Variants in CTNNA3 observed in about 807,000 individuals in gnomAD.
The protein encoded by CTNNA3 is catenin alpha-3.
A neutral mutation model predicts 95.7 loss-of-function variants in CTNNA3; 76 were observed. The ratio of observed to expected loss-of-function variants is 0.79; its 90% CI spans 0.66 to 0.96. The LOEUF (loss-of-function observed/expected upper bound fraction) is 0.96. Among genes scored for constraint, CTNNA3 ranks in the 40% least tolerant of loss-of-function variants. CTNNA3 has a pLI of 0.00. For missense variants in CTNNA3, 1,191 were observed against 1,089.8 expected (o/e 1.09, Z -1.31); for synonymous variants, 431 against 374.4 (o/e 1.15, Z -1.74).
chr10:66,904,735 G>T (rs1309401404), intron 7 of CTNNA3, among the ~76,000 whole-genome samples: 1 of 152,166 alleles, frequency 6.6e-6, no homozygotes, highest in African/African-American at 2.4e-5. Context: ...CTCAAAAGAA[G>T]ACATTTATGC....
intron 7 of CTNNA3, among the ~76,000 whole-genome samples, chr10:66,800,288 A>T (rs1454471785): frequency 6.6e-6 from 1 of 151,162 alleles, no homozygotes; most frequent in Non-Finnish European, 1.5e-5. Context: ...ACTCAAAAGA[A>T]CTCTTTTGAT....
intron 3 of CTNNA3, among the ~76,000 whole-genome samples, chr10:67,564,162 T>C (rs1419968075): frequency 2.0e-5 from 3 of 149,860 alleles, no homozygotes; most frequent in Non-Finnish European, 3.0e-5. Flanking sequence ...CAAAGGATCA[T>C]AAATCATGCT....
chr10:66,263,148 C>A (rs2091053926), intron 13 of CTNNA3, among the ~76,000 whole-genome samples: 1 of 151,880 alleles, frequency 6.6e-6, no homozygotes, highest in African/African-American at 2.4e-5. Flanking sequence ...GAGAGCTAGG[C>A]AAAAGCCATC....
intron 12 of CTNNA3, among the ~76,000 whole-genome samples, chr10:66,308,994 C>A (rs1434192792): frequency 2.0e-5 from 3 of 152,118 alleles, no homozygotes; most frequent in Admixed American, 6.6e-5. Flanking sequence ...GCTATTTCAG[C>A]CTTTGCATTT....
At chr10:66,928,188 C>T in intron 7 of CTNNA3, 1 of 1,614,080 alleles carries the variant, frequency 6.2e-7, no homozygotes, top group Non-Finnish European at 8.5e-7. Context: ...TCGCGGGCAG[C>T]GTGGCGCTTT....
At chr10:67,664,484 T>A (rs554851258) in intron 1 of CTNNA3, among the ~76,000 whole-genome samples, 43 of 152,318 alleles carry the variant, frequency 2.8e-4, no homozygotes, top group African/African-American at 1.0e-3. Context: ...TGTATGAAAC[T>A]CCACCATAAG....
At chr10:66,073,689 T>C (rs528544596) in intron 14 of CTNNA3, among the ~76,000 whole-genome samples, 67 of 152,228 alleles carry the variant, frequency 4.4e-4, no homozygotes, top group African/African-American at 1.2e-3. Context: ...TGCTGTCTTC[T>C]GGTCTTAATA....
chr10:66,425,798 T>C (rs949427759), intron 11 of CTNNA3, among the ~76,000 whole-genome samples: 1 of 152,008 alleles, frequency 6.6e-6, no homozygotes, highest in Admixed American at 6.6e-5. Context: ...TACTGCTCTA[T>C]AAACTTTCAC....
intron 4 of CTNNA3, among the ~76,000 whole-genome samples, chr10:67,537,312 G>C (rs1039275365): frequency 2.6e-5 from 4 of 152,048 alleles, no homozygotes; most frequent in Non-Finnish European, 4.4e-5. Context: ...CTGTTTCCTT[G>C]AGCAAGTTAC....
At chr10:67,292,879 G>A (rs1386543410) in intron 5 of CTNNA3, among the ~76,000 whole-genome samples, 1 of 152,058 alleles carries the variant, frequency 6.6e-6, no homozygotes, top group African/African-American at 2.4e-5. Flanking sequence ...CACAATTAAT[G>A]TTTTCTGGTA....
At chr10:67,569,556 A>T (rs950930534) in intron 3 of CTNNA3, among the ~76,000 whole-genome samples, 1 of 152,108 alleles carries the variant, frequency 6.6e-6, no homozygotes, top group African/African-American at 2.4e-5. Flanking sequence ...TGTGATTCTT[A>T]TATTAGCCAT....
chr10:66,422,723 G>A (rs2093206002), intron 11 of CTNNA3, among the ~76,000 whole-genome samples: 1 of 151,962 alleles, frequency 6.6e-6, no homozygotes, highest in South Asian at 2.1e-4. Context: ...CTGAACTGCT[G>A]TTGTATTTTG....
At chr10:67,480,742 T>A (rs1389623858) in intron 5 of CTNNA3, among the ~76,000 whole-genome samples, 2 of 152,204 alleles carry the variant, frequency 1.3e-5, no homozygotes, top group African/African-American at 4.8e-5. Flanking sequence ...TGTTTGAGGC[T>A]CTCAGCTCTG....
chr10:67,615,657 C>CTTTTT (rs746378840), intron 2 of CTNNA3, among the ~76,000 whole-genome samples: 11 of 102,140 alleles, frequency 1.1e-4, no homozygotes, highest in African/African-American at 2.4e-4. Flanking sequence ...GGCAGGTATT[C>CTTTTT]TTTTTTTTTT....
chr10:66,535,033 C>T (rs990023072), intron 10 of CTNNA3, among the ~76,000 whole-genome samples: 23 of 152,014 alleles, frequency 1.5e-4, no homozygotes, highest in African/African-American at 5.6e-4. Context: ...TCCTTAATTG[C>T]TGATGCATAT....
intron 5 of CTNNA3, among the ~76,000 whole-genome samples, chr10:67,384,802 A>C (rs1844084272): frequency 6.6e-6 from 1 of 152,242 alleles, no homozygotes; most frequent in Admixed American, 6.5e-5. Context: ...GCTGCTACAT[A>C]TAGAAGATTG....
intron 7 of CTNNA3, among the ~76,000 whole-genome samples, chr10:66,786,658 AC>A (rs1370678120): frequency 6.6e-6 from 1 of 152,230 alleles, no homozygotes; most frequent in East Asian, 1.9e-4. Flanking sequence ...GAGACAAGAA[AC>A]AAAAATATAA....
At chr10:66,840,901 T>C (rs1843045573) in intron 7 of CTNNA3, among the ~76,000 whole-genome samples, 2 of 152,192 alleles carry the variant, frequency 1.3e-5, no homozygotes, top group African/African-American at 4.8e-5. Context: ...TAAATCAATT[T>C]CTTCCTCATC....
intron 15 of CTNNA3, among the ~76,000 whole-genome samples, chr10:66,021,736 C>T (rs923695888): frequency 1.3e-5 from 2 of 149,814 alleles, no homozygotes; most frequent in African/African-American, 4.9e-5. Context: ...CAAACTGAGA[C>T]AGAAAAACAA....
Sources: gnomAD v4.1 joint callset for allele counts (sites outside exome capture counted in the v4.1 genomes callset) on GRCh38, gnomAD v4.1.1 for gene constraint, MANE v1.5 for transcripts, NCBI Gene and HGNC (gene_info 2026-07-23, HGNC 2026-07-21) for gene names.